The following ARAP2 variants were observed in gnomAD, a reference collection of about 807,000 sequenced individuals.
ARAP2 encodes the protein arf-GAP with Rho-GAP domain, ANK repeat and PH domain-containing protein 2.
ARAP2 carries 148 observed loss-of-function variants against 194.5 expected under a neutral mutation model. The ratio of observed to expected loss-of-function variants is 0.76; its 90% CI spans 0.67 to 0.87. The LOEUF (loss-of-function observed/expected upper bound fraction) is 0.87. Among genes scored for constraint, ARAP2 ranks in the 40% least tolerant of loss-of-function variants. The probability of loss-of-function intolerance (pLI) is 0.00; values close to 1 mark genes in which losing one functional copy is unlikely to be tolerated. For missense variants in ARAP2, 2,128 were observed against 1,989.7 expected, an observed-to-expected ratio of 1.07 and a Z score of -1.32; for synonymous variants, 695 against 683.5, an observed-to-expected ratio of 1.02 and a Z score of -0.26.
chr4:36,209,900 T>C (rs529529844), intron 6 of ARAP2, among the ~76,000 whole-genome samples: 9 of 152,236 alleles, frequency 5.9e-5, no homozygotes, highest in East Asian at 1.9e-4. Flanking sequence ...CTGTGTAACA[T>C]ACAAAAATCA....
intron 2 of ARAP2, among the ~76,000 whole-genome samples, chr4:36,054,545 A>C (rs942115460): frequency 1.6e-4 from 25 of 152,216 alleles, no homozygotes; most frequent in African/African-American, 5.5e-4. Context: ...TGGAAAATGG[A>C]TTTTAATTAT....
In ARAP2 at chr4:36,150,837, C is replaced by G; in HGVS notation, c.2897+63G>C. On this transcript the variant is annotated intron_variant, in intron 16 of 32. Transcript: ENST00000303965. The stretch of plus-strand genomic sequence containing the variant: ...AGAACTAAAATGATAACAAAACTCT[C>G]ATTACCTGTTATAATTATCTGAAAA... 10 of 1,529,262 alleles carry G rather than the reference C, an allele frequency of 6.5e-6. No individual in the cohort carries two copies. The South Asian group carries it at 1.2e-4, about 19-fold the overall frequency. 94.7% of individuals were successfully genotyped at this position (1,529,262 alleles called of 1,614,324 possible).
chr4:36,182,116 A>G lies in ARAP2; in HGVS notation c.1679-4111T>C, dbSNP rs946862802. Among the ~76,000 whole-genome samples, 16 of 152,188 alleles carry G rather than the reference A, an allele frequency of 1.1e-4. 1 individual carries two copies. The highest frequency in any genetic ancestry group is 1.0e-3 in the Admixed American group (16 of 15,280). On this transcript the variant is annotated intron_variant, in intron 8 of 32. Coordinates refer to ENST00000303965, the MANE Select transcript of ARAP2 (RefSeq NM_015230.4). Reference sequence around the variant, plus strand: ...ACCAACCACAGTACAGGAGAAAGGGAACACAAAAAGATAAGGACAGAAAGA... The same window carrying G: ...ACCAACCACAGTACAGGAGAAAGGGGACACAAAAAGATAAGGACAGAAAGA...
In ARAP2 at chr4:36,229,461, AC is replaced by A; in HGVS notation, c.25del (p.Val9TrpfsTer3). 1 of 1,611,366 alleles carries A rather than the reference AC, an allele frequency of 6.2e-7. No homozygotes were observed. Among genetic ancestry groups the A allele is most frequent in the Non-Finnish European group, 8.5e-7 (1 of 1,178,158 alleles). On this transcript the variant is annotated frameshift_variant, in exon 2 of 33. Transcript: ENST00000303965. LOFTEE classifies it high-confidence loss of function. ...GCTCATTAGGAAATCTTTTATATCCACATTTACTTCACTGACTGAGGACATA... is the reference window on the plus strand; with the variant it reads ...GCTCATTAGGAAATCTTTTATATCCAATTTACTTCACTGACTGAGGACATA... MSSVSEVN[V>X]DIKDFLMSIN...
intron 19 of ARAP2, among the ~76,000 whole-genome samples, chr4:36,137,145 A>G (rs1185393603): frequency 6.6e-6 from 1 of 151,864 alleles, no homozygotes; most frequent in African/African-American, 2.4e-5. Context: ...TAGTTTTGAC[A>G]ATTAGTTCCA....
At chr4:36,073,411 A>C (rs549648722) in intron 32 of ARAP2, among the ~76,000 whole-genome samples, 1 of 152,268 alleles carries the variant, frequency 6.6e-6, no homozygotes, top group African/African-American at 2.4e-5. Flanking sequence ...TTGTGATTTT[A>C]CCACCAGAAT....
Position 36,087,891 on chromosome 4 carries a change from G to C in ARAP2, c.4425+3990C>G, listed in dbSNP as rs552134557. 9.7e-4 allele frequency among the ~76,000 whole-genome samples: 148 copies of C among 152,166 alleles called. 1 individual carries two copies. In the East Asian group the frequency reaches 0.013, roughly 13 times the overall value. On this transcript the variant is annotated intron_variant, in intron 28 of 32. Transcript: ENST00000303965. ...ATGAATTCTGACTCCATCGCTTACT[G>C]TGTATGTGATTTTGGACAAGTTATG...
intron 27 of ARAP2, among the ~76,000 whole-genome samples, chr4:36,099,673 A>G (rs1716324020): frequency 6.6e-6 from 1 of 152,112 alleles, no homozygotes; most frequent in African/African-American, 2.4e-5. Flanking sequence ...AGCTGAAACA[A>G]TACGGTGACT....
intron 5 of ARAP2, among the ~76,000 whole-genome samples, chr4:36,023,179 G>A (rs1717306992): frequency 1.3e-5 from 2 of 152,146 alleles, no homozygotes; most frequent in African/African-American, 4.8e-5. Context: ...TAGGCTGCCT[G>A]TGATTCAGCC....
rs1213130920 is a variant in ARAP2 at position 36,128,626 on chromosome 4, C to T, written c.3547G>A (p.Glu1183Lys). The change falls in exon 21 of 33, where the codon GAA becomes AAA. Residue 1183 changes from glutamate (E) to lysine (K), a missense_variant. Physicochemically the swap from Glu to Lys is moderately conservative, Grantham distance 56. Transcript: ENST00000303965. ...FKLRAGKHQL[E>K]DVTAVLKSFL... ...CTTTTCAACACAGCCGTCACATCTT[C>T]AAGCTGATGTTTTCCAGCCCTCAAT... 5 of 1,612,964 alleles carry T rather than the reference C, an allele frequency of 3.1e-6. No individual in the cohort carries two copies. The South Asian group carries it at 5.5e-5, about 18-fold the overall frequency.
chr4:36,136,713 C>T (rs1185847708), intron 19 of ARAP2, among the ~76,000 whole-genome samples: 1 of 151,482 alleles, frequency 6.6e-6, no homozygotes, highest in Non-Finnish European at 1.5e-5. Flanking sequence ...ATACGGTTAT[C>T]AGCCATGGAA....
In ARAP2 at chr4:36,187,564, T is replaced by C. The variant is rs1740855076; in HGVS notation, c.1565A>G (p.Tyr522Cys). 1.3e-6 allele frequency: 2 copies of C among 1,555,016 alleles called. No individual in the cohort carries two copies. The highest frequency in any genetic ancestry group is 1.7e-6 in the Non-Finnish European group (2 of 1,157,504). ...ISYYNNEKEM[Y>C]SKGIIPLSAI... ...AGAAAGGGGAATTATTCCTTTCGAA[T>C]ACATCTCCTGTATTGGTTAGAAAAA... The change falls in exon 8 of 33, where the codon TAT becomes TGT. Residue 522 changes from tyrosine (Y) to cysteine (C), a missense_variant. Tyr to Cys is a radical substitution (Grantham distance 194). Transcript: ENST00000303965.
intron 11 of ARAP2, among the ~76,000 whole-genome samples, chr4:36,163,395 C>T (rs866826566): frequency 6.6e-5 from 10 of 151,836 alleles, no homozygotes; most frequent in South Asian, 2.1e-4. Context: ...GTGACCACAC[C>T]GAAACTGAGA....
chr4:36,043,783 A>G (rs1462422668), intron 5 of ARAP2, among the ~76,000 whole-genome samples: 4 of 53,746 alleles, frequency 7.4e-5, no homozygotes, highest in Non-Finnish European at 1.6e-4. Context: ...AAAGAAAAGA[A>G]AGAAGAGAAG....
intron 32 of ARAP2, among the ~76,000 whole-genome samples, chr4:36,071,429 G>A (rs984197487): frequency 3.9e-5 from 6 of 151,914 alleles, no homozygotes; most frequent in East Asian, 1.9e-4. Flanking sequence ...TGATTTCCTC[G>A]GCCAACAACT....
intron 6 of ARAP2, among the ~76,000 whole-genome samples, chr4:36,200,414 C>A (rs1345512775): frequency 2.6e-5 from 4 of 152,034 alleles, no homozygotes; most frequent in African/African-American, 9.7e-5. Flanking sequence ...CACCACCATG[C>A]CCAGCTAATT....
At chr4:36,074,303 A>G (rs1727731576) in intron 31 of ARAP2, among the ~76,000 whole-genome samples, 1 of 152,152 alleles carries the variant, frequency 6.6e-6, no homozygotes, top group East Asian at 1.9e-4. Flanking sequence ...TTACTATTTT[A>G]TCTAATTGAA....
At chr4:36,198,007 TG>T (rs1357412688) in intron 6 of ARAP2, among the ~76,000 whole-genome samples, 1 of 152,212 alleles carries the variant, frequency 6.6e-6, no homozygotes, top group Non-Finnish European at 1.5e-5. Context: ...CAGCCCTGTT[TG>T]TGTTACAGCT....
intron 26 of ARAP2, among the ~76,000 whole-genome samples, chr4:36,111,445 T>C (rs551414504): frequency 6.6e-6 from 1 of 152,102 alleles, no homozygotes; most frequent in Non-Finnish European, 1.5e-5. Context: ...AATTTCTACT[T>C]GTACAGTTGA....
Sources: gnomAD v4.1 joint callset for allele counts (sites outside exome capture counted in the v4.1 genomes callset) on GRCh38, gnomAD v4.1.1 for gene constraint, MANE v1.5 for transcripts, NCBI Gene and HGNC (gene_info 2026-07-23, HGNC 2026-07-21) for gene names.